PPOX: variants seen among roughly 807,000 people sequenced by gnomAD.
PPOX encodes the protein protoporphyrinogen oxidase.
In PPOX, 23 loss-of-function variants were observed where a neutral mutation model predicts 54.1. The ratio of observed to expected loss-of-function variants is 0.43; its 90% CI spans 0.31 to 0.60. The LOEUF (loss-of-function observed/expected upper bound fraction) is 0.60, where lower values mean the gene tolerates loss of function less well. Among genes scored for constraint, PPOX ranks in the 20% least tolerant of loss-of-function variants. The pLI is 0.13. For missense variants in PPOX, 512 were observed against 601.1 expected (o/e 0.85, Z 1.55); for synonymous variants, 224 against 236.1 (o/e 0.95, Z 0.47).
At position 161,168,549 on chromosome 1, in the gene PPOX, A is replaced by G. The variant is rs761724563; in HGVS notation, c.589A>G (p.Ile197Val). 11 of 1,614,088 alleles carry G rather than the reference A, an allele frequency of 6.8e-6. No individual in the cohort carries two copies. In the South Asian group the frequency reaches 1.2e-4, roughly 18 times the overall value. Residue 197 changes from isoleucine to valine, a missense_variant, in exon 6 of 13, where the codon ATA (isoleucine) becomes GTA (valine). Coordinates refer to ENST00000367999, the MANE Select transcript of PPOX (RefSeq NM_001122764.3). ...CCAAGCTGAGCAAACCCATCGTTCCATATTACTGGGCCTGCTGCTGGGGGC... is the reference window on the plus strand; with the variant it reads ...CCAAGCTGAGCAAACCCATCGTTCCGTATTACTGGGCCTGCTGCTGGGGGC... The part of the protein sequence containing the change: ...LFQAEQTHRS[I>V]LLGLLLGAGR...
Position 161,171,120 on chromosome 1 carries a change from A to G in PPOX, c.1378A>G (p.Ile460Val). Residue 460 changes from isoleucine (I) to valine (V), a missense_variant, in exon 13 of 13, where the codon ATA becomes GTA. Transcript: ENST00000367999. ...SYEGVAVNDCIESGRQAAVSV... is the reference protein window; with the variant it reads ...SYEGVAVNDCVESGRQAAVSV... ...TGAGGGAGTTGCTGTTAATGACTGTATAGAGAGTGGGCGCCAGGCAGCAGT... is the reference window on the plus strand; with the variant it reads ...TGAGGGAGTTGCTGTTAATGACTGTGTAGAGAGTGGGCGCCAGGCAGCAGT... 1 of 1,613,946 alleles carries G rather than the reference A, an allele frequency of 6.2e-7. No individual in the cohort carries two copies. The highest frequency in any genetic ancestry group is 8.5e-7 in the Non-Finnish European group (1 of 1,180,038).
rs121918325 is a variant in PPOX at position 161,168,462 on chromosome 1, C to T, written c.502C>T (p.Arg168Cys). ...VASLAMDSLC[R>C]GVFAGNSREL... is the part of the protein sequence containing the mutation. ...GTCTCTAGCCATGGACAGTCTCTGC[C>T]GTGGAGTGTTTGCAGGCAACAGCCG... Residue 168 changes from arginine (R) to cysteine (C), a missense_variant, in exon 6 of 13, where the codon CGT becomes TGT. Physicochemically the swap from Arg to Cys is radical, Grantham distance 180. Coordinates refer to ENST00000367999, the MANE Select transcript of PPOX (RefSeq NM_001122764.3). 1 of 1,614,120 alleles carries T rather than the reference C, an allele frequency of 6.2e-7. No individual in the cohort carries two copies. The highest frequency in any genetic ancestry group is 1.1e-5 in the South Asian group (1 of 91,086).
chr1:161,174,140 G>A (rs143067582), downstream of PPOX: 3 of 1,372,138 alleles, frequency 2.2e-6, no homozygotes, highest in South Asian at 1.4e-5. Flanking sequence ...GGGCGCGGTG[G>A]CTTACGCCTG....
At chr1:161,169,515 G>A in intron 7 of PPOX, 145 bp from the exon 8 acceptor site, 1 of 866,750 alleles carries the variant, frequency 1.2e-6, no homozygotes, top group Non-Finnish European at 1.9e-6. Context: ...AGTCTACATA[G>A]TCACCCAATC....
chr1:161,172,431 T>A, downstream of PPOX: 1 of 1,029,034 alleles, frequency 9.7e-7, no homozygotes, highest in Admixed American at 3.0e-5. Context: ...TATTACTTAG[T>A]AGGCAAAAGA....
At chr1:161,177,474 C>G, downstream of PPOX, 1 of 170,754 alleles carries the variant, frequency 5.9e-6, no homozygotes, top group Non-Finnish European at 1.3e-5. Flanking sequence ...GGGCAGGCAT[C>G]GCTGCCGCCA....
rs769286114 is a variant in PPOX at position 161,170,732 on chromosome 1, A to G, written c.1211A>G (p.Lys404Arg). The G allele has an allele frequency of 6.2e-7, 1 of 1,613,476 alleles. No individual in the cohort carries two copies. Among genetic ancestry groups the G allele is most frequent in the East Asian group, 2.2e-5 (1 of 44,792 alleles). ...QEAAATQLGL[K>R]EMPSHCLVHL... ...GCAGCTGCTACACAATTAGGACTGA[A>G]GGAGATGCCGAGCCACTGCTTGGTC... The change falls in exon 11 of 13, where the codon AAG becomes AGG. Residue 404 changes from lysine (K) to arginine (R), a missense_variant. Transcript: ENST00000367999.
chr1:161,175,755 C>T (rs984882703), downstream of PPOX: 1 of 1,594,498 alleles, frequency 6.3e-7, no homozygotes, highest in African/African-American at 1.3e-5. Flanking sequence ...CCCAAGCCTC[C>T]CTGTCTCCGC....
At chr1:161,168,681 G>A (rs572315151) in intron 6 of PPOX, 105 bp downstream of exon 6, 83 of 1,448,098 alleles carry the variant, frequency 5.7e-5, no homozygotes, top group Middle Eastern at 2.4e-4. Flanking sequence ...TTTTTGAGAC[G>A]GAGTCTTGCT....
chr1:161,167,829 C>T (rs1233772056), intron 4 of PPOX, 166 bp from the exon 5 acceptor site: 1 of 1,130,288 alleles, frequency 8.8e-7, no homozygotes, highest in Admixed American at 1.9e-5. Flanking sequence ...TGCCAAAGTG[C>T]TGGGATTACA....
intron 4 of PPOX, 186 bp downstream of exon 4, chr1:161,167,672 C>A: frequency 7.1e-6 from 6 of 849,440 alleles, no homozygotes; most frequent in Non-Finnish European, 1.0e-5. Context: ...TCAAGCGATT[C>A]TCCTGCCTCA....
chr1:161,175,047 C>A, downstream of PPOX: 1 of 1,613,864 alleles, frequency 6.2e-7, no homozygotes, highest in Non-Finnish European at 8.5e-7. Context: ...AGAAGGGGTG[C>A]AGGTGGTAGA....
intron 6 of PPOX, 118 bp downstream of exon 6, chr1:161,168,694 G>C: frequency 1.5e-6 from 2 of 1,347,842 alleles, no homozygotes; most frequent in Non-Finnish European, 2.0e-6. Flanking sequence ...GTCTTGCTCT[G>C]CTGCCTAGGC....
chr1:161,170,782 A>G lies in PPOX; in HGVS notation c.1248+13A>G. On this transcript the variant is annotated intron_variant, in intron 11 of 12. Transcript: ENST00000367999. ...CCATCTACACAAGGTAAGTTGGGAT[A>G]AACTTCCCTCAGCTCTCCACTGAAG... 1 of 1,614,108 alleles carries G rather than the reference A, an allele frequency of 6.2e-7. No homozygotes were observed. The highest frequency in any genetic ancestry group is 1.6e-4 in the Middle Eastern group (1 of 6,062).
chr1:161,171,775 A>G, downstream of PPOX: 1 of 1,607,720 alleles, frequency 6.2e-7, no homozygotes, highest in Non-Finnish European at 8.5e-7. Context: ...ATACAACCCC[A>G]TGAATTCGGT....
chr1:161,169,479 G>A, intron 7 of PPOX, 181 bp from the exon 8 acceptor site: 1 of 748,180 alleles, frequency 1.3e-6, no homozygotes, highest in South Asian at 1.5e-5. Flanking sequence ...ACTTCCTGGA[G>A]TACACAGAGG....
At position 161,169,723 on chromosome 1, in the gene PPOX, A is replaced by C; in HGVS notation, c.868+3A>C. The C allele has an allele frequency of 1.2e-6, 2 of 1,614,140 alleles. No homozygotes were observed. Among genetic ancestry groups the C allele is most frequent in the Non-Finnish European group, 1.7e-6 (2 of 1,179,966 alleles). On this transcript the variant is annotated splice_donor_region_variant and intron_variant, in intron 8 of 12. Coordinates refer to ENST00000367999, the MANE Select transcript of PPOX (RefSeq NM_001122764.3). Reference sequence around the variant, plus strand: ...TATTAGTGCCATTCCAGCTTCAGGTAATGGAATAGCCACCTTCCCCTTCCC... The same window carrying C: ...TATTAGTGCCATTCCAGCTTCAGGTCATGGAATAGCCACCTTCCCCTTCCC...
chr1:161,177,064 T>TACCTTTCCC (rs1234069488), downstream of PPOX: 4 of 1,535,102 alleles, frequency 2.6e-6, no homozygotes, highest in South Asian at 3.6e-5. Context: ...CTACCTTTTC[T>TACCTTTCCC]ACCTTTCCCC....
intron 4 of PPOX, chr1:161,176,253 C>T (rs896361621): frequency 1.9e-5 from 13 of 697,864 alleles, no homozygotes; most frequent in African/African-American, 1.4e-4. Context: ...CCACCAGTAA[C>T]CCTACCACCT....
Sources: gnomAD v4.1 joint callset for allele counts on GRCh38, gnomAD v4.1.1 for gene constraint, MANE v1.5 for transcripts, NCBI Gene and HGNC (gene_info 2026-07-23, HGNC 2026-07-21) for gene names.